The following PPM1L variants were observed in gnomAD, a reference collection of about 807,000 sequenced individuals.
The protein encoded by PPM1L is protein phosphatase, Mg2+/Mn2+ dependent 1L.
In PPM1L, 13 loss-of-function variants were observed where a neutral mutation model predicts 31.4. The ratio of observed to expected loss-of-function variants is 0.41; its 90% confidence interval spans 0.27 to 0.66. The LOEUF is 0.66. Among genes scored for constraint, PPM1L ranks in the 30% least tolerant of loss-of-function variants. The pLI is 0.29. For missense variants in PPM1L, 326 were observed against 453.7 expected (o/e 0.72, Z 2.56); for synonymous variants, 184 against 175.4 (o/e 1.05, Z -0.39).
At position 160,980,918 on chromosome 3, in the gene PPM1L, G is replaced by A. The variant is rs147734103; in HGVS notation, c.574+19008G>A. 5.9e-5 allele frequency among the ~76,000 whole-genome samples: 9 copies of A among 152,182 alleles called. No homozygotes were observed. The East Asian group carries it at 1.4e-3, about 23-fold the overall frequency. ...TCTCTTGTTTTTGCTGTTACATGAC[G>A]TAGCATGTACTTGATGTGGTGTACA... On this transcript the variant is annotated intron_variant, in intron 2 of 3. Transcript: ENST00000498165.
chr3:161,031,104 A>T (rs1399806585), intron 2 of PPM1L, among the ~76,000 whole-genome samples: 1 of 152,224 alleles, frequency 6.6e-6, no homozygotes, highest in African/African-American at 2.4e-5. Flanking sequence ...GTTCTCTTCC[A>T]GAGAAATTCA....
intron 2 of PPM1L, among the ~76,000 whole-genome samples, chr3:160,986,682 G>T (rs1343239081): frequency 1.3e-5 from 2 of 152,140 alleles, no homozygotes; most frequent in Non-Finnish European, 2.9e-5. Context: ...CTGCAGAGGG[G>T]CCTGGGAAGA....
intron 2 of PPM1L, among the ~76,000 whole-genome samples, chr3:161,034,778 C>G (rs372185524): frequency 1.3e-5 from 2 of 151,726 alleles, no homozygotes; most frequent in East Asian, 3.9e-4. Flanking sequence ...GTGCAGCAAA[C>G]CACCATGGCA....
intron 1 of PPM1L, among the ~76,000 whole-genome samples, chr3:160,932,755 T>C (rs1416222356): frequency 6.6e-6 from 1 of 152,194 alleles, no homozygotes; most frequent in Non-Finnish European, 1.5e-5. Context: ...AATACAGATA[T>C]TCCAGGAGGT....
intron 2 of PPM1L, among the ~76,000 whole-genome samples, chr3:161,002,739 C>T (rs1183695294): frequency 7.0e-6 from 1 of 142,964 alleles, no homozygotes; most frequent in Non-Finnish European, 1.5e-5. Flanking sequence ...TGGATATTAG[C>T]CCTTTGTCAG....
Position 160,979,641 on chromosome 3 carries a change from C to T in PPM1L, c.574+17731C>T, listed in dbSNP as rs142522941. Among the ~76,000 whole-genome samples the T allele has an allele frequency of 5.6e-4, 85 of 152,082 alleles. No homozygotes were observed. The East Asian group carries it at 0.013, about 24-fold the overall frequency. On this transcript the variant is annotated intron_variant, in intron 2 of 3. Transcript: ENST00000498165. ...GATAAGAAACTCACAAGAGTGGTTA[C>T]TTTGGGAATGAGGAATTGAGGAAGG...
intron 2 of PPM1L, among the ~76,000 whole-genome samples, chr3:161,045,379 C>T (rs372108815): frequency 1.3e-5 from 2 of 152,282 alleles, no homozygotes; most frequent in South Asian, 2.1e-4. Context: ...AAGTAAAGCA[C>T]TCCTCAGCAA....
At chr3:160,784,007 G>A (rs1159937828) in intron 1 of PPM1L, among the ~76,000 whole-genome samples, 1 of 152,150 alleles carries the variant, frequency 6.6e-6, no homozygotes, top group Non-Finnish European at 1.5e-5. Context: ...TAATTTATGT[G>A]AATTGTTATT....
At chr3:160,774,861 A>G (rs1232293391) in intron 1 of PPM1L, among the ~76,000 whole-genome samples, 1 of 152,098 alleles carries the variant, frequency 6.6e-6, no homozygotes, top group Non-Finnish European at 1.5e-5. Flanking sequence ...TTTTAACTTA[A>G]TTTTCCTCTC....
At chr3:160,880,161 G>A (rs1284585720) in intron 1 of PPM1L, among the ~76,000 whole-genome samples, 1 of 152,166 alleles carries the variant, frequency 6.6e-6, no homozygotes, top group Non-Finnish European at 1.5e-5. Flanking sequence ...AGTAGGAGGA[G>A]AGGAACAATA....
chr3:160,819,543 A>G (rs1576653344), intron 1 of PPM1L, among the ~76,000 whole-genome samples: 1 of 152,080 alleles, frequency 6.6e-6, no homozygotes, highest in Non-Finnish European at 1.5e-5. Flanking sequence ...ATAGTTATCA[A>G]TTACCTACTA....
intron 2 of PPM1L, among the ~76,000 whole-genome samples, chr3:161,038,156 C>G (rs1029962170): frequency 3.5e-5 from 5 of 144,616 alleles, no homozygotes; most frequent in African/African-American, 1.3e-4. Context: ...ATGGCGTGAA[C>G]CCGGGAGGCG....
chr3:161,041,772 A>C (rs568080308), intron 2 of PPM1L, among the ~76,000 whole-genome samples: 10 of 152,000 alleles, frequency 6.6e-5, no homozygotes, highest in South Asian at 4.2e-4. Flanking sequence ...CAAAACAAAA[A>C]ACACACACAC....
chr3:160,769,324 T>C (rs1353227728), intron 1 of PPM1L, among the ~76,000 whole-genome samples: 1 of 152,206 alleles, frequency 6.6e-6, no homozygotes, highest in African/African-American at 2.4e-5. Flanking sequence ...CATTGGAGAA[T>C]GTTGCTGTAA....
chr3:161,026,837 A>G (rs1478126741), intron 2 of PPM1L, among the ~76,000 whole-genome samples: 1 of 152,200 alleles, frequency 6.6e-6, no homozygotes, highest in Non-Finnish European at 1.5e-5. Flanking sequence ...AACAATTCAC[A>G]TAGGCCATGC....
At chr3:160,783,992 G>A (rs1002379547) in intron 1 of PPM1L, among the ~76,000 whole-genome samples, 1 of 152,154 alleles carries the variant, frequency 6.6e-6, no homozygotes. Flanking sequence ...TATCTAAAAA[G>A]AATATAATTT....
intron 2 of PPM1L, among the ~76,000 whole-genome samples, chr3:161,048,821 A>G (rs1174287204): frequency 2.1e-4 from 32 of 151,560 alleles, no homozygotes; most frequent in South Asian, 2.1e-3. Context: ...TCAGCAAACT[A>G]TCACAAGGAC....
intron 2 of PPM1L, among the ~76,000 whole-genome samples, chr3:161,053,971 AT>A (rs63117160): frequency 0.13 from 20,338 of 152,196 alleles, 1,502 homozygotes; most frequent in South Asian, 0.27. Context: ...TCTATTTCTC[AT>A]AAAATGTCAT....
intron 2 of PPM1L, among the ~76,000 whole-genome samples, chr3:161,007,638 T>G (rs150954556): frequency 5.3e-5 from 8 of 152,200 alleles, no homozygotes; most frequent in African/African-American, 1.9e-4. Flanking sequence ...ATATTATGAT[T>G]TATTTATTTT....
Sources: allele counts gnomAD v4.1 joint callset (sites outside exome capture counted in the v4.1 genomes callset), GRCh38; gene constraint gnomAD v4.1.1; transcripts MANE v1.5; gene names NCBI Gene and HGNC (gene_info 2026-07-23, HGNC 2026-07-21).